Variants in ENOX1 observed in about 807,000 individuals in gnomAD.
ENOX1 encodes the protein candidate growth-related and time keeping constitutive hydroquinone (NADH) oxidase.
Under a neutral mutation model 82.5 loss-of-function variants are expected in ENOX1, and 42 were observed. The observed-to-expected ratio is 0.51, with a 90% CI of 0.40 to 0.66. The LOEUF (loss-of-function observed/expected upper bound fraction) is 0.66, where lower values mean the gene tolerates loss of function less well. Ranked by LOEUF, ENOX1 falls within the 30% of genes least tolerant of loss-of-function variation. The pLI, the probability that ENOX1 is intolerant of heterozygous loss-of-function variation, is 0.00. For missense variants in ENOX1, 608 were observed against 811.6 expected (o/e 0.75, Z 3.05); for synonymous variants, 271 against 282.2 (o/e 0.96, Z 0.40).
intron 5 of ENOX1, among the ~76,000 whole-genome samples, chr13:43,384,493 T>C (rs957119775): frequency 4.6e-5 from 7 of 152,218 alleles, no homozygotes; most frequent in African/African-American, 1.7e-4. Context: ...ATGAATTAGA[T>C]GATATAACTT....
intron 1 of ENOX1, among the ~76,000 whole-genome samples, chr13:43,770,176 A>G (rs542776393): frequency 6.6e-6 from 1 of 152,364 alleles, no homozygotes; most frequent in African/African-American, 2.4e-5. Context: ...TTCTTCTTTA[A>G]CAAAACTCTT....
At chr13:43,346,022 G>A (rs78283466) in intron 8 of ENOX1, among the ~76,000 whole-genome samples, 2,240 of 152,182 alleles carry the variant, frequency 0.015, 66 homozygotes, top group African/African-American at 0.05. Context: ...AAAAGATTTC[G>A]TTTCACTCAC....
At chr13:43,342,482 A>C (rs1208130344) in intron 9 of ENOX1, among the ~76,000 whole-genome samples, 1 of 152,212 alleles carries the variant, frequency 6.6e-6, no homozygotes, top group East Asian at 1.9e-4. Flanking sequence ...TTGATATTTC[A>C]AAGTTGAGGT....
intron 3 of ENOX1, among the ~76,000 whole-genome samples, chr13:43,438,805 G>A (rs1029703788): frequency 6.6e-6 from 1 of 152,134 alleles, no homozygotes; most frequent in Admixed American, 6.5e-5. Flanking sequence ...TAGTGGATCT[G>A]ATGTGAGGTG....
chr13:43,333,064 T>G (rs945788845), intron 9 of ENOX1, among the ~76,000 whole-genome samples: 2 of 152,252 alleles, frequency 1.3e-5, no homozygotes, highest in Non-Finnish European at 2.9e-5. Context: ...TACGCTATTC[T>G]GTACCTTGGT....
intron 2 of ENOX1, among the ~76,000 whole-genome samples, chr13:43,492,146 T>C (rs1031294670): frequency 1.3e-5 from 2 of 152,212 alleles, no homozygotes; most frequent in African/African-American, 2.4e-5. Context: ...AACTGAAGGA[T>C]CTTTCCAAGA....
At chr13:43,539,972 T>TG (rs2078637953) in intron 2 of ENOX1, among the ~76,000 whole-genome samples, 1 of 152,188 alleles carries the variant, frequency 6.6e-6, no homozygotes, top group Admixed American at 6.5e-5. Flanking sequence ...CATCACCCTT[T>TG]GCTAGGTGGA....
At chr13:43,333,689 C>T (rs1451912642) in intron 9 of ENOX1, among the ~76,000 whole-genome samples, 1 of 152,244 alleles carries the variant, frequency 6.6e-6, no homozygotes, top group East Asian at 1.9e-4. Flanking sequence ...GCGGCATGAT[C>T]TCGGCTCACT....
chr13:43,754,301 G>A (rs568202939), intron 1 of ENOX1, among the ~76,000 whole-genome samples: 5 of 106,408 alleles, frequency 4.7e-5, no homozygotes, highest in East Asian at 2.6e-4. Context: ...ACATATATGC[G>A]TGTATGTATG....
chr13:43,344,616 C>T lies in ENOX1; in HGVS notation c.958G>A (p.Glu320Lys). 6.2e-7 allele frequency: 1 copy of T among 1,614,158 alleles called. No homozygotes were observed. The highest frequency in any genetic ancestry group is 8.5e-7 in the Non-Finnish European group (1 of 1,180,014). The part of the protein sequence containing the change: ...ANSHVRRLMN[E>K]KATHEQEMEE... ...ATCTCTTGCTCATGGGTGGCTTTTTCATTCATTAGCCGGCGGACGTGGCTG... is the reference window on the plus strand; with the variant it reads ...ATCTCTTGCTCATGGGTGGCTTTTTTATTCATTAGCCGGCGGACGTGGCTG... Residue 320 changes from glutamate (E) to lysine (K), a missense_variant, in exon 9 of 17, where the codon GAA becomes AAA. Glu to Lys is a moderately conservative substitution (Grantham distance 56). Coordinates refer to ENST00000690772, the MANE Select transcript of ENOX1 (RefSeq NM_001347969.2).
At chr13:43,273,876 T>C (rs888407207) in intron 12 of ENOX1, among the ~76,000 whole-genome samples, 2 of 152,202 alleles carry the variant, frequency 1.3e-5, no homozygotes, top group Non-Finnish European at 2.9e-5. Flanking sequence ...CATTCACCAA[T>C]ATTAAGGTCA....
chr13:43,372,797 T>A (rs1395235503), intron 5 of ENOX1, among the ~76,000 whole-genome samples: 1 of 151,824 alleles, frequency 6.6e-6, no homozygotes, highest in African/African-American at 2.4e-5. Context: ...TGAGTAGAGA[T>A]TAGAAATAAA....
intron 2 of ENOX1, among the ~76,000 whole-genome samples, chr13:43,541,732 G>A: frequency 6.6e-6 from 1 of 152,118 alleles, no homozygotes; most frequent in Non-Finnish European, 1.5e-5. Flanking sequence ...CAATACTCGA[G>A]TACCGCTGCT....
intron 2 of ENOX1, among the ~76,000 whole-genome samples, chr13:43,590,724 C>T (rs561693119): frequency 2.1e-5 from 3 of 145,868 alleles, no homozygotes; most frequent in Non-Finnish European, 3.0e-5. Flanking sequence ...TGCAGTGAGC[C>T]GGGATCACAC....
intron 2 of ENOX1, among the ~76,000 whole-genome samples, chr13:43,632,583 T>C (rs962379904): frequency 6.6e-6 from 1 of 151,884 alleles, no homozygotes. Context: ...TTAGCTGGGA[T>C]TACAGGCGCC....
chr13:43,526,859 T>G (rs2078009667), intron 2 of ENOX1, among the ~76,000 whole-genome samples: 1 of 152,066 alleles, frequency 6.6e-6, no homozygotes, highest in African/African-American at 2.4e-5. Context: ...GGTGACATGG[T>G]CATACGGGCT....
intron 2 of ENOX1, among the ~76,000 whole-genome samples, chr13:43,583,474 C>T (rs940604005): frequency 3.3e-5 from 5 of 149,532 alleles, no homozygotes; most frequent in African/African-American, 1.0e-4. Flanking sequence ...CAGTCAAACA[C>T]TATTACTCAC....
At chr13:43,403,901 C>T (rs996440883) in intron 5 of ENOX1, among the ~76,000 whole-genome samples, 1 of 152,082 alleles carries the variant, frequency 6.6e-6, no homozygotes, top group African/African-American at 2.4e-5. Flanking sequence ...TGTAGACACA[C>T]ACACATCAGC....
chr13:43,606,107 G>A (rs1255166044), intron 2 of ENOX1, among the ~76,000 whole-genome samples: 2 of 152,084 alleles, frequency 1.3e-5, no homozygotes, highest in Non-Finnish European at 2.9e-5. Flanking sequence ...AGTACTATGA[G>A]ATATCATGTC....
Sources: allele counts gnomAD v4.1 joint callset (sites outside exome capture counted in the v4.1 genomes callset), GRCh38; gene constraint gnomAD v4.1.1; transcripts MANE v1.5; gene names NCBI Gene and HGNC (gene_info 2026-07-23, HGNC 2026-07-21).